The following BMERB1 variants were observed in gnomAD, a reference collection of about 807,000 sequenced individuals.
BMERB1 encodes the protein bMERB domain containing 1.
Under a neutral mutation model 23.6 loss-of-function variants are expected in BMERB1, and 12 were observed. That is an observed-to-expected ratio of 0.51 (90% CI 0.33 to 0.82). BMERB1 has a LOEUF of 0.82. Among genes scored for constraint, BMERB1 ranks in the 40% least tolerant of loss-of-function variants. BMERB1 has a pLI of 0.03. For missense variants in BMERB1, 247 were observed against 255.4 expected, an observed-to-expected ratio of 0.97 and a Z score of 0.22; for synonymous variants, 122 against 96.6, an observed-to-expected ratio of 1.26 and a Z score of -1.54.
chr16:15,495,593 C>T (rs761373825), intron 1 of BMERB1, among the ~76,000 whole-genome samples: 4 of 152,156 alleles, frequency 2.6e-5, no homozygotes, highest in Admixed American at 1.3e-4. Flanking sequence ...GTTTCAATCT[C>T]CTGACCTCGT....
intron 1 of BMERB1, among the ~76,000 whole-genome samples, chr16:15,456,557 C>T (rs930704039): frequency 3.9e-5 from 6 of 152,036 alleles, no homozygotes; most frequent in East Asian, 1.9e-4. Flanking sequence ...AGGCTGGTTT[C>T]GAACTACTGG....
chr16:15,434,590 C>T lies in BMERB1; in HGVS notation c.-64C>T. 8.0e-6 allele frequency: 12 copies of T among 1,493,974 alleles called. No individual in the cohort carries two copies. The highest frequency in any genetic ancestry group is 1.4e-5 in the African/African-American group (1 of 72,706). The allele number at this position is 1,493,974 out of a possible 1,614,324, so 92.5% of individuals were successfully genotyped here. ...CGCTGCTGGCTGGAGCCACCTCCCT[C>T]CCTGCAGCCCGCAACGGGAATGGAG... is the stretch of plus-strand genomic sequence containing the variant. On this transcript the variant is annotated 5_prime_UTR_variant, in exon 1 of 6. Transcript: ENST00000300006.
intron 1 of BMERB1, among the ~76,000 whole-genome samples, chr16:15,461,620 G>A (rs2051136560): frequency 6.6e-6 from 1 of 152,034 alleles, no homozygotes; most frequent in Non-Finnish European, 1.5e-5. Context: ...CAGTTAGGCT[G>A]CCAGTAAAAA....
At chr16:15,436,338 G>T (rs182627282) in intron 1 of BMERB1, among the ~76,000 whole-genome samples, 1 of 146,046 alleles carries the variant, frequency 6.8e-6, no homozygotes, top group East Asian at 2.1e-4. Context: ...GGCTCACTGC[G>T]ACCTCCACTT....
chr16:15,509,367 T>A (rs1405029347), intron 1 of BMERB1, among the ~76,000 whole-genome samples: 1 of 151,734 alleles, frequency 6.6e-6, no homozygotes, highest in Non-Finnish European at 1.5e-5. Flanking sequence ...AAGCTGGGTT[T>A]GAATACTATC....
chr16:15,434,930 C>T (rs2050875111), intron 1 of BMERB1, among the ~76,000 whole-genome samples, 171 bp downstream of exon 1: 1 of 152,202 alleles, frequency 6.6e-6, no homozygotes, highest in Non-Finnish European at 1.5e-5. Context: ...GCGCTCTCCC[C>T]GCGAACAAAA....
intron 1 of BMERB1, among the ~76,000 whole-genome samples, chr16:15,465,300 A>G (rs2051171208): frequency 6.6e-6 from 1 of 152,078 alleles, no homozygotes; most frequent in Non-Finnish European, 1.5e-5. Flanking sequence ...AACCGACCCC[A>G]AACACTGACA....
At chr16:15,545,578 C>T (rs1237172099) in intron 2 of BMERB1, among the ~76,000 whole-genome samples, 1 of 152,032 alleles carries the variant, frequency 6.6e-6, no homozygotes, top group Non-Finnish European at 1.5e-5. Context: ...GCTCAGGAGT[C>T]GGAAGGACAG....
intron 1 of BMERB1, among the ~76,000 whole-genome samples, chr16:15,437,829 G>T (rs535794026): frequency 1.3e-5 from 2 of 151,956 alleles, no homozygotes; most frequent in Admixed American, 6.6e-5. Context: ...GTGGCAGTGG[G>T]CGCCTATTGT....
chr16:15,492,923 AAAAAG>A (rs2051435745), intron 1 of BMERB1, among the ~76,000 whole-genome samples: 1 of 151,738 alleles, frequency 6.6e-6, no homozygotes, highest in African/African-American at 2.4e-5. Flanking sequence ...CATCTCAAAA[AAAAAG>A]AAAAAAAAGA....
intron 3 of BMERB1, among the ~76,000 whole-genome samples, chr16:15,574,972 G>C (rs1437145277): frequency 6.6e-6 from 1 of 152,150 alleles, no homozygotes; most frequent in Non-Finnish European, 1.5e-5. Context: ...CCAGCTACTC[G>C]GGAGACTGAG....
chr16:15,497,475 GA>G (rs1308553279), intron 1 of BMERB1, among the ~76,000 whole-genome samples: 1 of 152,164 alleles, frequency 6.6e-6, no homozygotes, highest in African/African-American at 2.4e-5. Context: ...GTTAAGACCA[GA>G]AAGGTCAATT....
intron 2 of BMERB1, among the ~76,000 whole-genome samples, chr16:15,563,470 C>T (rs139862626): frequency 1.2e-3 from 176 of 152,092 alleles, no homozygotes; most frequent in African/African-American, 4.0e-3. Context: ...CTGCCCACCT[C>T]GGCCTCCCAA....
intron 1 of BMERB1, among the ~76,000 whole-genome samples, chr16:15,465,359 T>G (rs1006979933): frequency 6.6e-6 from 1 of 150,652 alleles, no homozygotes; most frequent in East Asian, 1.9e-4. Flanking sequence ...ATATATTTTT[T>G]TTTTTTTTTT....
intron 2 of BMERB1, chr16:15,533,200 G>C (rs1394477186): frequency 1.2e-5 from 4 of 322,708 alleles, no homozygotes; most frequent in Admixed American, 8.9e-5. Flanking sequence ...GAAATGGATA[G>C]ATACAGGCAT....
chr16:15,526,149 ATTTCT>A, intron 2 of BMERB1, among the ~76,000 whole-genome samples: 1 of 152,220 alleles, frequency 6.6e-6, no homozygotes, highest in Non-Finnish European at 1.5e-5. Context: ...TGTATAGGAC[ATTTCT>A]ATTGTTGTAG....
chr16:15,509,531 G>A (rs576377686), intron 1 of BMERB1, among the ~76,000 whole-genome samples: 3 of 152,260 alleles, frequency 2.0e-5, no homozygotes, highest in South Asian at 4.1e-4. Context: ...GGAAAGTGAC[G>A]CAAAGACATA....
chr16:15,434,789 G>C, intron 1 of BMERB1, 30 bp downstream of exon 1: 1 of 721,712 alleles, frequency 1.4e-6, no homozygotes, highest in Non-Finnish European at 2.2e-6. Flanking sequence ...GCGGGGGGCC[G>C]GGGACAGCTG....
chr16:15,577,693 C>G (rs897764503), intron 3 of BMERB1, among the ~76,000 whole-genome samples: 2 of 151,996 alleles, frequency 1.3e-5, no homozygotes, highest in African/African-American at 2.4e-5. Flanking sequence ...GTCTCTCCTC[C>G]CTTCATTTTC....
Sources: gnomAD v4.1 joint callset for allele counts (sites outside exome capture counted in the v4.1 genomes callset) on GRCh38, gnomAD v4.1.1 for gene constraint, MANE v1.5 for transcripts, NCBI Gene and HGNC (gene_info 2026-07-23, HGNC 2026-07-21) for gene names.